C19orf44: variants seen among roughly 807,000 people sequenced by gnomAD.
C19orf44 encodes the protein uncharacterized protein C19orf44.
Under a neutral mutation model 50.7 loss-of-function variants are expected in C19orf44, and 43 were observed. The ratio of observed to expected loss-of-function variants is 0.85; its 90% CI spans 0.66 to 1.09. The LOEUF (loss-of-function observed/expected upper bound fraction) is 1.09, where lower values mean the gene tolerates loss of function less well. C19orf44 is among the 50% of genes least tolerant of loss of function. The probability of loss-of-function intolerance (pLI) is 0.00; values close to 1 mark genes in which losing one functional copy is unlikely to be tolerated. For missense variants in C19orf44, 722 were observed against 836.2 expected, an observed-to-expected ratio of 0.86 and a Z score of 1.68; for synonymous variants, 298 against 334.7, an observed-to-expected ratio of 0.89 and a Z score of 1.20.
chr19:16,502,987 A>T, intron 2 of C19orf44, 78 bp from the exon 3 acceptor site: 1 of 349,856 alleles, frequency 2.9e-6, no homozygotes, highest in Non-Finnish European at 3.9e-6. Flanking sequence ...ACCCTTTCTC[A>T]AAAAAAAAAA....
chr19:16,519,303 G>A lies in C19orf44; in HGVS notation c.*41-791G>A, dbSNP rs550333603. 6.2e-7 allele frequency: 1 copy of A among 1,613,844 alleles called. No homozygotes were observed. Among genetic ancestry groups the A allele is most frequent in the Non-Finnish European group, 8.5e-7 (1 of 1,180,008 alleles). ...CCCGGACGTCCCCGCCCTTGATGGG[G>A]TCCTGGATCCCTTGCTCCTTCGCAC... On this transcript the variant is annotated intron_variant, in intron 8 of 8. Coordinates refer to ENST00000221671, the MANE Select transcript of C19orf44 (RefSeq NM_032207.4). This position sits in a 1 kb window ranked among gnomAD's most constrained non-coding sequence, Gnocchi z 6.0.
Position 16,503,261 on chromosome 19 carries a change from C to G in C19orf44, c.956C>G (p.Ala319Gly), listed in dbSNP as rs770540187. 3 of 1,614,148 alleles carry G rather than the reference C, an allele frequency of 1.9e-6. No individual in the cohort carries two copies. The highest frequency in any genetic ancestry group is 1.7e-6 in the Non-Finnish European group (2 of 1,180,040). ...ACGCCGTCAGTTTCCATCACAGGCG[C>G]CTTTTCAAACTCAGTGTCTTTAAAG... The part of the protein sequence containing the change: ...SHTPSVSITG[A>G]FSNSVSLKMG... The change falls in exon 3 of 9, where the codon GCC becomes GGC. Residue 319 changes from alanine (A) to glycine (G), a missense_variant. Physicochemically the swap from Ala to Gly is moderately conservative, Grantham distance 60. Coordinates refer to ENST00000221671, the MANE Select transcript of C19orf44 (RefSeq NM_032207.4).
At chr19:16,513,447 G>A (rs1408066077) in intron 6 of C19orf44, among the ~76,000 whole-genome samples, 2 of 152,114 alleles carry the variant, frequency 1.3e-5, no homozygotes, top group East Asian at 1.9e-4. Flanking sequence ...GCAGTGGCGC[G>A]ATCTCCACTC....
At chr19:16,512,910 G>A (rs1384660248) in intron 5 of C19orf44, 104 bp from the exon 6 acceptor site, 3 of 882,546 alleles carry the variant, frequency 3.4e-6, no homozygotes, top group Non-Finnish European at 5.1e-6. Context: ...TTCAGAAAGA[G>A]GGAAGAACAA....
rs748297572 is a variant in C19orf44 at position 16,521,035 on chromosome 19, C to T, written c.*982C>T. On this transcript the variant is annotated 3_prime_UTR_variant, in exon 9 of 9. Coordinates refer to ENST00000221671, the MANE Select transcript of C19orf44 (RefSeq NM_032207.4). ...TACATGGCCCTGTGGCTGTGGGCTCCGAGCATGGGCGCAGTAGAGCTTGGT... is the reference window on the plus strand; with the variant it reads ...TACATGGCCCTGTGGCTGTGGGCTCTGAGCATGGGCGCAGTAGAGCTTGGT... The T allele has an allele frequency of 9.8e-5, 79 of 805,048 alleles. No individual in the cohort carries two copies. The highest frequency in any genetic ancestry group is 1.4e-4 in the Non-Finnish European group (68 of 474,618). The allele number at this position is 805,048 out of a possible 1,614,324, so 49.9% of individuals were successfully genotyped here.
chr19:16,517,592 A>G (rs990791942), intron 8 of C19orf44, among the ~76,000 whole-genome samples: 2 of 152,024 alleles, frequency 1.3e-5, no homozygotes, highest in Non-Finnish European at 2.9e-5. Context: ...ATGACACCAC[A>G]GGCCAGTGGA....
intron 3 of C19orf44, among the ~76,000 whole-genome samples, chr19:16,505,059 C>G (rs148158826): frequency 6.6e-6 from 1 of 151,604 alleles, no homozygotes; most frequent in African/African-American, 2.4e-5. Context: ...CCTTGTGATC[C>G]GCCTGCCTCC....
chr19:16,512,911 GGAA>G, intron 5 of C19orf44, 100 bp from the exon 6 acceptor site: 1 of 913,254 alleles, frequency 1.1e-6, no homozygotes, highest in African/African-American at 1.7e-5. Flanking sequence ...TCAGAAAGAG[GGAA>G]GAACAAGGTC....
In C19orf44 at chr19:16,496,479, G is replaced by A. The variant is rs1244507475; in HGVS notation, c.-2+14G>A. ...GCGTGGGAAGAGGTCGGCAGGGCTGGTGGGGAGGTGACCTAGCTGGGCGTC... is the reference window on the plus strand; with the variant it reads ...GCGTGGGAAGAGGTCGGCAGGGCTGATGGGGAGGTGACCTAGCTGGGCGTC... On this transcript the variant is annotated intron_variant, in intron 1 of 8. Coordinates refer to ENST00000221671, the MANE Select transcript of C19orf44 (RefSeq NM_032207.4). The A allele has an allele frequency of 1.2e-5, 4 of 338,126 alleles. No homozygotes were observed. Among genetic ancestry groups the A allele is most frequent in the Admixed American group, 8.7e-5 (2 of 22,876 alleles). 20.9% of individuals were successfully genotyped at this position (338,126 alleles called of 1,614,324 possible). A position where few individuals can be genotyped will look rare whatever the true frequency, so the allele number is the denominator to read the frequency against.
rs2093424831 is a variant in C19orf44, at chr19:16,501,330, C to T, written c.538C>T (p.Pro180Ser). 2 of 1,614,036 alleles carry T rather than the reference C, an allele frequency of 1.2e-6. No homozygotes were observed. The change falls in exon 2 of 9, where the codon CCT becomes TCT. Residue 180 changes from proline to serine, a missense_variant. By Grantham distance (74) the Pro-to-Ser change is moderately conservative. Coordinates refer to ENST00000221671, the MANE Select transcript of C19orf44 (RefSeq NM_032207.4). ...VSRFLKKKQA[P>S]VENISPEAPA... ...TAGGTTTCTAAAGAAGAAACAAGCA[C>T]CTGTTGAAAACATATCCCCTGAAGC...
chr19:16,499,218 C>G (rs949291472), intron 1 of C19orf44, among the ~76,000 whole-genome samples: 1 of 152,102 alleles, frequency 6.6e-6, no homozygotes, highest in Non-Finnish European at 1.5e-5. Flanking sequence ...AAGATAGGAA[C>G]AAGCAAACAA....
intron 3 of C19orf44, 38 bp downstream of exon 3, chr19:16,503,418 A>C: frequency 6.4e-7 from 1 of 1,574,700 alleles, no homozygotes; most frequent in Non-Finnish European, 8.6e-7. Context: ...TACCTTGGGC[A>C]GGAAGGGTGG....
At position 16,501,525 on chromosome 19, in the gene C19orf44, G is replaced by C. The variant is rs367856596; in HGVS notation, c.733G>C (p.Glu245Gln). ...AGGCTTCAGCAGCGCTAACGTCAGC[G>C]AGGAAGAAGAAAGAAAACTATTTTC... is the stretch of plus-strand genomic sequence containing the variant. The part of the protein sequence containing the change: ...NQGFSSANVS[E>Q]EEERKLFSVP... The change falls in exon 2 of 9, where the codon GAG (glutamate) becomes CAG (glutamine). Residue 245 changes from glutamate to glutamine, a missense_variant. Coordinates refer to ENST00000221671, the MANE Select transcript of C19orf44 (RefSeq NM_032207.4). 2.1e-6 allele frequency: 3 copies of C among 1,427,090 alleles called. No individual in the cohort carries two copies. The African/African-American group carries it at 4.4e-5, about 21-fold the overall frequency. The allele number at this position is 1,427,090 out of a possible 1,614,324, so 88.4% of individuals were successfully genotyped here. A position where few individuals can be genotyped will look rare whatever the true frequency, so the allele number is the denominator to read the frequency against.
Position 16,517,260 on chromosome 19 carries a change from AC to A in C19orf44, c.1935del (p.Met646TrpfsTer8). 1 of 1,614,110 alleles carries A rather than the reference AC, an allele frequency of 6.2e-7. No individual in the cohort carries two copies. Among genetic ancestry groups the A allele is most frequent in the Non-Finnish European group, 8.5e-7 (1 of 1,180,016 alleles). ...YIRCHRPAPL[T>X]MEDALEEVNK... ...TAGGTGCCACAGACCTGCCCCACTGACCATGGAGGATGCCCTGGAGGAGGTG... is the reference window on the plus strand; with the variant it reads ...TAGGTGCCACAGACCTGCCCCACTGACATGGAGGATGCCCTGGAGGAGGTG... On this transcript the variant is annotated frameshift_variant, in exon 8 of 9. Transcript: ENST00000221671. LOFTEE classifies it high-confidence loss of function.
chr19:16,498,385 G>T (rs1429962005), intron 1 of C19orf44, among the ~76,000 whole-genome samples: 1 of 152,146 alleles, frequency 6.6e-6, no homozygotes, highest in Non-Finnish European at 1.5e-5. Flanking sequence ...CTGGGCTCAA[G>T]CAATCCTCCC....
At position 16,509,573 on chromosome 19, in the gene C19orf44, G is replaced by C. The variant is rs539818641; in HGVS notation, c.1224G>C (p.Pro408=). The change falls in exon 5 of 9, where the codon CCG becomes CCC. Residue 408 remains proline (P), a synonymous_variant. Coordinates refer to ENST00000221671, the MANE Select transcript of C19orf44 (RefSeq NM_032207.4). ...RAEASTGQDA[P]RQAQARSWAS... ...AGGCGTCCACTGGGCAGGATGCCCCGAGGCAGGCCCAGGCGAGGAGCTGGG... is the reference window on the plus strand; with the variant it reads ...AGGCGTCCACTGGGCAGGATGCCCCCAGGCAGGCCCAGGCGAGGAGCTGGG... 44 of 1,612,754 alleles carry C rather than the reference G, an allele frequency of 2.7e-5. 1 individual carries two copies. The South Asian group carries it at 4.4e-4, about 16-fold the overall frequency.
chr19:16,517,901 A>G (rs2085559598), intron 8 of C19orf44: 1 of 152,330 alleles, frequency 6.6e-6, no homozygotes, highest in African/African-American at 2.4e-5. Flanking sequence ...AGGTCTTTAA[A>G]AAAAGGCTTT....
chr19:16,519,115 C>T lies in C19orf44; in HGVS notation c.*41-979C>T. On this transcript the variant is annotated intron_variant, in intron 8 of 8. Transcript: ENST00000221671. The surrounding 1 kb of genome is among the most constrained non-coding windows in gnomAD (Gnocchi z 6.0). ...CTGCCAGTCAGCCAGGAAGGTCCCA[C>T]AGCCGGCACCGCTGGCCACCGGCGC... 3.2e-6 allele frequency: 5 copies of T among 1,565,964 alleles called. No individual in the cohort carries two copies. Among genetic ancestry groups the T allele is most frequent in the Non-Finnish European group, 4.3e-6 (5 of 1,151,076 alleles).
chr19:16,503,467 A>G (rs953253365), intron 3 of C19orf44, 87 bp downstream of exon 3: 13 of 1,363,130 alleles, frequency 9.5e-6, no homozygotes, highest in Non-Finnish European at 1.3e-5. Flanking sequence ...GTCATGGGGC[A>G]TTGCCACAGG....
Sources: gnomAD v4.1 joint callset for allele counts (sites outside exome capture counted in the v4.1 genomes callset) on GRCh38, gnomAD v4.1.1 for gene constraint, Gnocchi (gnomAD v3.1) non-coding constraint, MANE v1.5 for transcripts, NCBI Gene and HGNC (gene_info 2026-07-23, HGNC 2026-07-21) for gene names.